The following NELL2 variants were observed in gnomAD, a reference collection of about 807,000 sequenced individuals.
NELL2 encodes the protein protein kinase C-binding protein NELL2.
A neutral mutation model predicts 109.6 loss-of-function variants in NELL2; 41 were observed. The observed-to-expected ratio is 0.37, with a 90% CI of 0.29 to 0.49. NELL2 has a LOEUF of 0.49. Among genes scored for constraint, NELL2 ranks in the 20% least tolerant of loss-of-function variants. NELL2 has a pLI of 0.98. For missense variants in NELL2, 900 were observed against 1,008.3 expected, an observed-to-expected ratio of 0.89 and a Z score of 1.45; for synonymous variants, 355 against 344.7, an observed-to-expected ratio of 1.03 and a Z score of -0.33.
chr12:44,673,717 C>G (rs1429899450), intron 12 of NELL2, among the ~76,000 whole-genome samples: 2 of 152,204 alleles, frequency 1.3e-5, no homozygotes, highest in Non-Finnish European at 2.9e-5. Context: ...TGATCATTAT[C>G]ACTGTCAACC....
intron 11 of NELL2, among the ~76,000 whole-genome samples, chr12:44,708,481 A>G (rs1009317317): frequency 2.0e-5 from 3 of 152,196 alleles, no homozygotes; most frequent in Non-Finnish European, 4.4e-5. Flanking sequence ...CTTTAGCACT[A>G]TACAAATAGG....
intron 9 of NELL2, among the ~76,000 whole-genome samples, chr12:44,765,077 G>T (rs973743807): frequency 2.6e-5 from 4 of 152,042 alleles, no homozygotes; most frequent in Non-Finnish European, 5.9e-5. Context: ...AATTTAAGCG[G>T]CACTGAGCTA....
chr12:44,845,264 C>T (rs548303703), intron 2 of NELL2, among the ~76,000 whole-genome samples: 2 of 152,226 alleles, frequency 1.3e-5, no homozygotes, highest in Admixed American at 6.5e-5. Flanking sequence ...AAGATAGTGC[C>T]CATTAACTGA....
chr12:44,788,333 C>T (rs1433832634), intron 3 of NELL2, among the ~76,000 whole-genome samples: 3 of 152,192 alleles, frequency 2.0e-5, no homozygotes, highest in South Asian at 2.1e-4. Context: ...ACTCCAAACA[C>T]TGAGTGCTCC....
At chr12:44,639,752 A>G (rs1946781543) in intron 13 of NELL2, among the ~76,000 whole-genome samples, 1 of 152,122 alleles carries the variant, frequency 6.6e-6, no homozygotes, top group African/African-American at 2.4e-5. Flanking sequence ...CAGTTCTTAC[A>G]GCAATGTCTT....
At position 44,570,369 on chromosome 12, in the gene NELL2, T is replaced by C. The variant is rs370288520; in HGVS notation, c.1663+36800A>G. Among the ~76,000 whole-genome samples the C allele has an allele frequency of 5.9e-5, 9 of 152,298 alleles. No individual in the cohort carries two copies. In the South Asian group the frequency reaches 1.7e-3, roughly 28 times the overall value. ...ATGTAGCCCTGTTAACATTTCTTTGTTGTCAAAAATTGATCAATCACAGAC... is the reference window on the plus strand; with the variant it reads ...ATGTAGCCCTGTTAACATTTCTTTGCTGTCAAAAATTGATCAATCACAGAC... On this transcript the variant is annotated intron_variant, in intron 15 of 19. Transcript: ENST00000429094.
chr12:44,796,960 A>G (rs1259969708), intron 3 of NELL2, among the ~76,000 whole-genome samples: 2 of 152,100 alleles, frequency 1.3e-5, no homozygotes, highest in African/African-American at 4.8e-5. Context: ...AATCCTAAGA[A>G]AGAGCACTTG....
chr12:44,757,652 A>C (rs1302527346), intron 9 of NELL2, among the ~76,000 whole-genome samples: 1 of 152,238 alleles, frequency 6.6e-6, no homozygotes, highest in Non-Finnish European at 1.5e-5. Context: ...GCTGAAGTGT[A>C]AATTGGTAAA....
Position 44,876,269 on chromosome 12 carries a change from C to T in NELL2, c.-400G>A. 8.6e-7 allele frequency: 1 copy of T among 1,157,908 alleles called. No individual in the cohort carries two copies. Among genetic ancestry groups the T allele is most frequent in the Non-Finnish European group, 1.1e-6 (1 of 938,318 alleles). The allele number at this position is 1,157,908 out of a possible 1,614,324, so 71.7% of individuals were successfully genotyped here. A position where few individuals can be genotyped will look rare whatever the true frequency, so the allele number is the denominator to read the frequency against. ...GCCCGGGCTGGGGCGGCCCCGCACC[C>T]CCCCGTCTTCCCCGCCGCCCGAACC... On this transcript the variant is annotated 5_prime_UTR_variant, in exon 1 of 20. Transcript: ENST00000429094.
chr12:44,886,422 T>G (rs943808333), intron 1 of NELL2, among the ~76,000 whole-genome samples: 2 of 151,840 alleles, frequency 1.3e-5, no homozygotes, highest in Admixed American at 1.3e-4. Context: ...GACAAAATAT[T>G]AAAGGACTTG....
At chr12:44,848,564 C>T (rs773997697) in intron 2 of NELL2, among the ~76,000 whole-genome samples, 2 of 152,118 alleles carry the variant, frequency 1.3e-5, no homozygotes, top group Non-Finnish European at 2.9e-5. Flanking sequence ...CCCACCTGGA[C>T]AGAAGCCAGA....
intron 12 of NELL2, among the ~76,000 whole-genome samples, chr12:44,672,378 T>C (rs1253290254): frequency 1.3e-5 from 2 of 152,056 alleles, no homozygotes; most frequent in Non-Finnish European, 2.9e-5. Context: ...GGGATCTAGG[T>C]TGTGTGCTCC....
At chr12:44,841,776 T>C (rs1944232753) in intron 2 of NELL2, among the ~76,000 whole-genome samples, 1 of 152,090 alleles carries the variant, frequency 6.6e-6, no homozygotes. Context: ...TGGGAGACAC[T>C]GGATTACGAC....
chr12:44,828,436 A>G (rs1448993813), intron 2 of NELL2, among the ~76,000 whole-genome samples: 1 of 152,168 alleles, frequency 6.6e-6, no homozygotes, highest in Non-Finnish European at 1.5e-5. Context: ...ATTTCTTTCG[A>G]ATCTACAGCT....
At chr12:44,757,918 A>T (rs1412024096) in intron 9 of NELL2, among the ~76,000 whole-genome samples, 2 of 152,132 alleles carry the variant, frequency 1.3e-5, no homozygotes, top group Non-Finnish European at 2.9e-5. Flanking sequence ...ATGATCCAGT[A>T]GCACTGTGGG....
intron 13 of NELL2, among the ~76,000 whole-genome samples, chr12:44,650,040 T>G (rs1384886462): frequency 6.6e-6 from 1 of 152,224 alleles, no homozygotes; most frequent in Non-Finnish European, 1.5e-5. Flanking sequence ...ACCTACAGCC[T>G]CAGGCTGCAC....
rs1468450297 is a variant in NELL2 at position 44,508,313 on chromosome 12, C to T, written c.*621G>A. The T allele has an allele frequency of 6.6e-6, 1 of 152,512 alleles. No homozygotes were observed. Among genetic ancestry groups the T allele is most frequent in the Non-Finnish European group, 1.5e-5 (1 of 68,010 alleles). 9.4% of individuals were successfully genotyped at this position (152,512 alleles called of 1,614,324 possible). A position where few individuals can be genotyped will look rare whatever the true frequency, so the allele number is the denominator to read the frequency against. On this transcript the variant is annotated 3_prime_UTR_variant, in exon 20 of 20. Coordinates refer to ENST00000429094, the MANE Select transcript of NELL2 (RefSeq NM_001145108.2). ...AGAGAAATATTTATTTAATTTTGCA[C>T]AAGAACGAGCTTATACTGAACAAAT...
At chr12:44,626,867 C>A (rs1315776317) in intron 13 of NELL2, among the ~76,000 whole-genome samples, 1 of 152,170 alleles carries the variant, frequency 6.6e-6, no homozygotes, top group Admixed American at 6.5e-5. Context: ...AATGGATACC[C>A]ACAATGAATT....
At chr12:44,839,443 A>G (rs1944155400) in intron 2 of NELL2, among the ~76,000 whole-genome samples, 1 of 152,250 alleles carries the variant, frequency 6.6e-6, no homozygotes, top group Non-Finnish European at 1.5e-5. Flanking sequence ...ACCCAGATCA[A>G]TGGTTTAAAC....
Sources: gnomAD v4.1 joint callset for allele counts (sites outside exome capture counted in the v4.1 genomes callset) on GRCh38, gnomAD v4.1.1 for gene constraint, MANE v1.5 for transcripts, NCBI Gene and HGNC (gene_info 2026-07-23, HGNC 2026-07-21) for gene names.